CSNK1D: variants seen among roughly 807,000 people sequenced by gnomAD.
The protein encoded by CSNK1D is casein kinase I isoform delta.
CSNK1D carries 16 observed loss-of-function variants against 46.6 expected under a neutral mutation model. That is an observed-to-expected ratio of 0.34 (90% confidence interval 0.23 to 0.52). CSNK1D has a LOEUF of 0.52. Among genes scored for constraint, CSNK1D ranks in the 20% least tolerant of loss-of-function variants. The probability of loss-of-function intolerance (pLI) is 0.95; values close to 1 mark genes in which losing one functional copy is unlikely to be tolerated. For synonymous variants in CSNK1D, 276 were observed against 228.2 expected (o/e 1.21, Z -1.89); for missense variants, 398 against 578.4 (o/e 0.69, Z 3.20).
intron 2 of CSNK1D, among the ~76,000 whole-genome samples, chr17:82,259,749 C>A (rs1350923528): frequency 6.6e-6 from 1 of 152,236 alleles, no homozygotes; most frequent in South Asian, 2.1e-4. Context: ...CAATGAAAAT[C>A]AATTACCTAG....
In CSNK1D at chr17:82,255,137, C is replaced by A. The variant is rs2051143037; in HGVS notation, c.336+292G>T. 1 of 446,602 alleles carries A rather than the reference C, an allele frequency of 2.2e-6. No homozygotes were observed. Among genetic ancestry groups the A allele is most frequent in the Non-Finnish European group, 4.1e-6 (1 of 244,284 alleles). The allele number at this position is 446,602 out of a possible 1,614,324, so 27.7% of individuals were successfully genotyped here. A position where few individuals can be genotyped will look rare whatever the true frequency, so the allele number is the denominator to read the frequency against. ...CCAGTGAGCTGAGCCGTCGGAGCCT[C>A]CAGAAGCCAGTGAGCTGGGCCGCCG... On this transcript the variant is annotated intron_variant, in intron 3 of 8. Coordinates refer to ENST00000314028, the MANE Select transcript of CSNK1D (RefSeq NM_001893.6). The surrounding 1 kb of genome is among the most constrained non-coding windows in gnomAD (Gnocchi z 5.9).
rs1262104137 is a variant in CSNK1D at position 82,248,454 on chromosome 17, T to C, written c.1197+421A>G. ...CTCACAAGAAGCCCGTGGAGGTCCC[T>C]ACGGGCCTCCATCCCTGGCCAGTGG... is the stretch of plus-strand genomic sequence containing the variant. On this transcript the variant is annotated intron_variant, in intron 8 of 8. Coordinates refer to ENST00000314028, the MANE Select transcript of CSNK1D (RefSeq NM_001893.6). This position sits in a 1 kb window ranked among gnomAD's most constrained non-coding sequence, Gnocchi z 4.1. 9.4e-7 allele frequency: 1 copy of C among 1,060,418 alleles called. No individual in the cohort carries two copies. Among genetic ancestry groups the C allele is most frequent in the Non-Finnish European group, 1.1e-6 (1 of 872,900 alleles). The allele number at this position is 1,060,418 out of a possible 1,614,324, so 65.7% of individuals were successfully genotyped here.
chr17:82,243,521 C>G lies in CSNK1D; in HGVS notation c.*1260G>C, dbSNP rs572602352. On this transcript the variant is annotated 3_prime_UTR_variant, in exon 9 of 9. Coordinates refer to ENST00000314028, the MANE Select transcript of CSNK1D (RefSeq NM_001893.6). ...TGCCTTCTGGTGGGACTCGGCCCCA[C>G]GCACGCTGCTTCACTTCTGACCAAC... is the stretch of plus-strand genomic sequence containing the variant. The G allele has an allele frequency of 3.2e-5, 32 of 985,376 alleles. No individual in the cohort carries two copies. The highest frequency in any genetic ancestry group is 3.9e-5 in the Non-Finnish European group (32 of 829,976). The allele number at this position is 985,376 out of a possible 1,614,324, so 61.0% of individuals were successfully genotyped here. A position where few individuals can be genotyped will look rare whatever the true frequency, so the allele number is the denominator to read the frequency against.
rs986127071 is a variant in CSNK1D at position 82,249,189 on chromosome 17, G to C, written c.1058-175C>G. The C allele has an allele frequency of 4.6e-6, 4 of 860,658 alleles. No individual in the cohort carries two copies. Among genetic ancestry groups the C allele is most frequent in the Non-Finnish European group, 7.0e-6 (4 of 567,908 alleles). The allele number at this position is 860,658 out of a possible 1,614,324, so 53.3% of individuals were successfully genotyped here. A position where few individuals can be genotyped will look rare whatever the true frequency, so the allele number is the denominator to read the frequency against. ...GGCCGGAGGGACACAAAGGGACATG[G>C]GAGCGAGGTCAAGGGGCTCACAGGG... is the stretch of plus-strand genomic sequence containing the variant. On this transcript the variant is annotated intron_variant, in intron 7 of 8. Transcript: ENST00000314028. This position sits in a 1 kb window ranked among gnomAD's most constrained non-coding sequence, Gnocchi z 6.7.
In CSNK1D at chr17:82,249,769, C is replaced by T. The variant is rs965447188; in HGVS notation, c.886-167G>A. 2 of 1,473,802 alleles carry T rather than the reference C, an allele frequency of 1.4e-6. No homozygotes were observed. The highest frequency in any genetic ancestry group is 2.8e-5 in the African/African-American group (2 of 71,558). 91.3% of individuals were successfully genotyped at this position (1,473,802 alleles called of 1,614,324 possible). ...CACGTTTCTCCTCATGGGATGACAG[C>T]ATCATCCCCACAAGGGGTCAGAGCC... is the stretch of plus-strand genomic sequence containing the variant. On this transcript the variant is annotated intron_variant, in intron 6 of 8. Coordinates refer to ENST00000314028, the MANE Select transcript of CSNK1D (RefSeq NM_001893.6). This position sits in a 1 kb window ranked among gnomAD's most constrained non-coding sequence, Gnocchi z 6.7.
chr17:82,244,241 A>G lies in CSNK1D; in HGVS notation c.*540T>C. ...GCACACACCCTTGAGATCCACCTGCACCTTCTCCCTGCCCGACTCCACCTC... is the reference window on the plus strand; with the variant it reads ...GCACACACCCTTGAGATCCACCTGCGCCTTCTCCCTGCCCGACTCCACCTC... On this transcript the variant is annotated 3_prime_UTR_variant, in exon 9 of 9. Transcript: ENST00000314028. 1 of 1,080,904 alleles carries G rather than the reference A, an allele frequency of 9.3e-7. No homozygotes were observed. Among genetic ancestry groups the G allele is most frequent in the Non-Finnish European group, 1.1e-6 (1 of 885,608 alleles). 67.0% of individuals were successfully genotyped at this position (1,080,904 alleles called of 1,614,324 possible). A position where few individuals can be genotyped will look rare whatever the true frequency, so the allele number is the denominator to read the frequency against.
intron 8 of CSNK1D, chr17:82,245,881 G>A (rs538817221): frequency 1.5e-6 from 2 of 1,304,344 alleles, no homozygotes; most frequent in East Asian, 5.0e-5. Context: ...CACCTGGCAT[G>A]CAAGCCCAGC....
At chr17:82,254,966 CGCCGG>C (rs2051133948) in intron 3 of CSNK1D, among the ~76,000 whole-genome samples, 2 of 141,140 alleles carry the variant, frequency 1.4e-5, no homozygotes, top group Non-Finnish European at 3.1e-5. Context: ...TGAGCTGAGC[CGCCGG>C]AGCCTCCAGA....
In CSNK1D at chr17:82,255,894, G is replaced by A. The variant is rs2051163503; in HGVS notation, c.188-317C>T. Among the ~76,000 whole-genome samples the A allele has an allele frequency of 6.6e-6, 1 of 152,236 alleles. No individual in the cohort carries two copies. On this transcript the variant is annotated intron_variant, in intron 2 of 8. Coordinates refer to ENST00000314028, the MANE Select transcript of CSNK1D (RefSeq NM_001893.6). The surrounding 1 kb of genome is among the most constrained non-coding windows in gnomAD (Gnocchi z 5.9). ...AGGGGGGCAGGAGACACAGAAAGCA[G>A]CCACGATGTGGGAAAGAAAAGAGCT...
rs2051034213 is a variant in CSNK1D, at chr17:82,252,329, T to C, written c.736+105A>G. On this transcript the variant is annotated intron_variant, in intron 5 of 8. Coordinates refer to ENST00000314028, the MANE Select transcript of CSNK1D (RefSeq NM_001893.6). This position sits in a 1 kb window ranked among gnomAD's most constrained non-coding sequence, Gnocchi z 4.6. ...TTCCTGCCACCACCCCTTTGGAAGG[T>C]GAGCAACTCTTCTGACAAAACCCAG... 6.7e-6 allele frequency: 9 copies of C among 1,334,362 alleles called. No homozygotes were observed. The highest frequency in any genetic ancestry group is 5.4e-6 in the Non-Finnish European group (5 of 927,968). The allele number at this position is 1,334,362 out of a possible 1,614,324, so 82.7% of individuals were successfully genotyped here. A position where few individuals can be genotyped will look rare whatever the true frequency, so the allele number is the denominator to read the frequency against.
At position 82,252,930 on chromosome 17, in the gene CSNK1D, C is replaced by A; in HGVS notation, c.565+86G>T. On this transcript the variant is annotated intron_variant, in intron 4 of 8. Coordinates refer to ENST00000314028, the MANE Select transcript of CSNK1D (RefSeq NM_001893.6). The surrounding 1 kb of genome is among the most constrained non-coding windows in gnomAD (Gnocchi z 4.6). Reference sequence around the variant, plus strand: ...TGATGACACGCTTGCAGCCCCAGCTCCCCGAGAGGCTGGCCTCTCCCTGGG... The same window carrying A: ...TGATGACACGCTTGCAGCCCCAGCTACCCGAGAGGCTGGCCTCTCCCTGGG... 2 of 1,254,196 alleles carry A rather than the reference C, an allele frequency of 1.6e-6. No individual in the cohort carries two copies. Among genetic ancestry groups the A allele is most frequent in the African/African-American group, 1.5e-5 (1 of 67,702 alleles). The allele number at this position is 1,254,196 out of a possible 1,614,324, so 77.7% of individuals were successfully genotyped here.
In CSNK1D at chr17:82,272,501, G is replaced by A. The variant is rs781730980; in HGVS notation, c.76+805C>T. Among the ~76,000 whole-genome samples the A allele has an allele frequency of 1.6e-4, 24 of 152,230 alleles. No individual in the cohort carries two copies. The Middle Eastern group carries it at 0.01, about 65-fold the overall frequency. ...ACCTTGAGACTGTTACAGTCTAAAG[G>A]ACACCTCATGAGTACAACTACCTCA... On this transcript the variant is annotated intron_variant, in intron 1 of 8. Transcript: ENST00000314028.
chr17:82,254,210 GAGCTGAGCCGCCGGAGCCTCGAGAAGC>G, intron 3 of CSNK1D: 1 of 279,164 alleles, frequency 3.6e-6, no homozygotes, highest in South Asian at 2.6e-5. Context: ...TGAAGCCAGT[GAGCTGAGCCGCCGGAGCCTCGAGAAGC>G]CAGTGCAGTG....
At chr17:82,271,448 A>G (rs957713862) in intron 1 of CSNK1D, among the ~76,000 whole-genome samples, 1 of 152,164 alleles carries the variant, frequency 6.6e-6, no homozygotes, top group African/African-American at 2.4e-5. Flanking sequence ...CTGGGGTTAA[A>G]ACTTTCGCCA....
Position 82,255,584 on chromosome 17 carries a change from A to T in CSNK1D, c.188-7T>A. 6.2e-7 allele frequency: 1 copy of T among 1,614,138 alleles called. No homozygotes were observed. Among genetic ancestry groups the T allele is most frequent in the Non-Finnish European group, 8.5e-7 (1 of 1,180,024 alleles). Reference sequence around the variant, plus strand: ...CTGATGGTGGGGATGCCCACTAGGCAAGGAAATCAGACACAGTGTTTCAGT... The same window carrying T: ...CTGATGGTGGGGATGCCCACTAGGCTAGGAAATCAGACACAGTGTTTCAGT... On this transcript the variant is annotated splice_polypyrimidine_tract_variant and splice_region_variant and intron_variant, in intron 2 of 8. Transcript: ENST00000314028. The surrounding 1 kb of genome is among the most constrained non-coding windows in gnomAD (Gnocchi z 5.9).
At chr17:82,265,631 G>C in intron 2 of CSNK1D, 55 bp downstream of exon 2, 1 of 1,379,012 alleles carries the variant, frequency 7.3e-7, no homozygotes. Context: ...CTGAGTTGCT[G>C]TTCTCCCTTG....
intron 1 of CSNK1D, among the ~76,000 whole-genome samples, chr17:82,268,011 A>T (rs2051522337): frequency 1.3e-5 from 2 of 152,052 alleles, no homozygotes; most frequent in South Asian, 4.1e-4. Flanking sequence ...CACGAATCAC[A>T]CCCTATCATG....
chr17:82,260,256 G>C (rs528918103), intron 2 of CSNK1D, among the ~76,000 whole-genome samples: 3 of 151,382 alleles, frequency 2.0e-5, no homozygotes, highest in African/African-American at 7.3e-5. Context: ...ATGGTATACC[G>C]AGTGATGTGA....
chr17:82,253,368 A>G, intron 3 of CSNK1D, 124 bp from the exon 4 acceptor site: 1 of 856,744 alleles, frequency 1.2e-6, no homozygotes, highest in Middle Eastern at 2.2e-4. Context: ...AGGGTAGTTT[A>G]ACAATTAGCG....
Sources: gnomAD v4.1 joint callset for allele counts (sites outside exome capture counted in the v4.1 genomes callset) on GRCh38, gnomAD v4.1.1 for gene constraint, Gnocchi (gnomAD v3.1) non-coding constraint, MANE v1.5 for transcripts, NCBI Gene and HGNC (gene_info 2026-07-23, HGNC 2026-07-21) for gene names.